The following ATRNL1 variants were observed in gnomAD, a reference collection of about 807,000 sequenced individuals.
ATRNL1 encodes attractin-like protein 1.
A neutral mutation model predicts 182.7 loss-of-function variants in ATRNL1; 95 were observed. The ratio of observed to expected loss-of-function variants is 0.52; its 90% CI spans 0.44 to 0.62. The LOEUF is 0.62. ATRNL1 is among the 20% of genes least tolerant of loss of function. ATRNL1 has a pLI of 0.00. For missense variants in ATRNL1, 1,471 were observed against 1,679.5 expected, an observed-to-expected ratio of 0.88 and a Z score of 2.17; for synonymous variants, 576 against 568.3, an observed-to-expected ratio of 1.01 and a Z score of -0.19.
chr10:115,241,545 A>C (rs782767548), intron 9 of ATRNL1, 26 bp from the exon 10 acceptor site: 1 of 1,536,470 alleles, frequency 6.5e-7, no homozygotes, highest in Admixed American at 1.7e-5. Context: ...ATCCTTTGTA[A>C]TACATTTTTA....
intron 3 of ATRNL1, among the ~76,000 whole-genome samples, chr10:115,123,933 C>T (rs531030391): frequency 6.6e-6 from 1 of 151,944 alleles, no homozygotes; most frequent in East Asian, 1.9e-4. Flanking sequence ...CACTGTCTCC[C>T]ATCAGCCCCA....
intron 3 of ATRNL1, among the ~76,000 whole-genome samples, chr10:115,123,015 C>A (rs1035296257): frequency 6.6e-6 from 1 of 151,988 alleles, no homozygotes; most frequent in Admixed American, 6.6e-5. Flanking sequence ...TAGATGTGTG[C>A]CTGTTCATTT....
intron 28 of ATRNL1, among the ~76,000 whole-genome samples, chr10:115,912,223 A>G (rs1192513727): frequency 2.0e-5 from 3 of 152,214 alleles, no homozygotes; most frequent in Admixed American, 2.0e-4. Flanking sequence ...TGATTATAGG[A>G]AAAGCTCACA....
intron 18 of ATRNL1, among the ~76,000 whole-genome samples, chr10:115,328,010 G>T (rs977215286): frequency 6.6e-6 from 1 of 151,630 alleles, no homozygotes; most frequent in South Asian, 2.1e-4. Context: ...TGGGTGCAGC[G>T]CACCAGCATG....
chr10:115,108,061 G>A (rs1265304020), intron 1 of ATRNL1, among the ~76,000 whole-genome samples: 3 of 152,098 alleles, frequency 2.0e-5, no homozygotes, highest in African/African-American at 7.2e-5. Context: ...TTATGCAAGG[G>A]TTCCTTGGCC....
intron 13 of ATRNL1, among the ~76,000 whole-genome samples, chr10:115,277,768 A>G (rs1041187766): frequency 6.6e-6 from 1 of 152,174 alleles, no homozygotes; most frequent in African/African-American, 2.4e-5. Flanking sequence ...GTAAGGAACC[A>G]CCATCAAAGT....
chr10:115,399,875 A>G lies in ATRNL1; in HGVS notation c.3269+5123A>G, dbSNP rs116214015. 4.3e-3 allele frequency among the ~76,000 whole-genome samples: 647 copies of G among 152,138 alleles called. 4 individuals are homozygous for G. The highest frequency in any genetic ancestry group is 0.014 in the African/African-American group (600 of 41,548). On this transcript the variant is annotated intron_variant, in intron 20 of 28. Coordinates refer to ENST00000355044, the MANE Select transcript of ATRNL1 (RefSeq NM_207303.4). ...AGGCAATGCCGTTTAGGACATAGGCATGGACAAATATTTCATGATGAAGGC... is the reference window on the plus strand; with the variant it reads ...AGGCAATGCCGTTTAGGACATAGGCGTGGACAAATATTTCATGATGAAGGC...
intron 27 of ATRNL1, among the ~76,000 whole-genome samples, chr10:115,812,902 G>A (rs1555087447): frequency 1.3e-5 from 2 of 151,790 alleles, no homozygotes; most frequent in African/African-American, 4.8e-5. Context: ...CCCTACTTTC[G>A]CTTCACTGTC....
At chr10:115,331,340 G>A (rs549553491) in intron 18 of ATRNL1, among the ~76,000 whole-genome samples, 2 of 152,296 alleles carry the variant, frequency 1.3e-5, no homozygotes, top group East Asian at 1.9e-4. Flanking sequence ...GATTATAGGC[G>A]TGAGCCACCG....
intron 26 of ATRNL1, among the ~76,000 whole-genome samples, chr10:115,712,527 A>G (rs1555054793): frequency 6.6e-6 from 1 of 152,230 alleles, no homozygotes; most frequent in African/African-American, 2.4e-5. Flanking sequence ...TTTTGGTATT[A>G]TGCATACTTA....
At chr10:115,154,983 C>T (rs1364370407) in intron 5 of ATRNL1, among the ~76,000 whole-genome samples, 1 of 152,110 alleles carries the variant, frequency 6.6e-6, no homozygotes, top group Non-Finnish European at 1.5e-5. Context: ...TCTAGGTGCT[C>T]CAGTGATGGC....
chr10:115,314,863 G>A (rs966982194), intron 17 of ATRNL1, among the ~76,000 whole-genome samples: 15 of 152,172 alleles, frequency 9.9e-5, no homozygotes, highest in Non-Finnish European at 2.1e-4. Flanking sequence ...ATGAGTCATG[G>A]AGTGTTATTT....
intron 24 of ATRNL1, among the ~76,000 whole-genome samples, chr10:115,482,755 G>C (rs556633090): frequency 2.8e-4 from 43 of 151,286 alleles, no homozygotes; most frequent in African/African-American, 1.0e-3. Context: ...GAATTGTAAA[G>C]TAGAATCCAA....
chr10:115,516,201 T>C (rs1554983846), intron 24 of ATRNL1, among the ~76,000 whole-genome samples: 1 of 151,904 alleles, frequency 6.6e-6, no homozygotes, highest in Non-Finnish European at 1.5e-5. Flanking sequence ...TATTTCTCCC[T>C]TGATCCTCAT....
intron 26 of ATRNL1, among the ~76,000 whole-genome samples, chr10:115,591,690 G>A (rs1855914744): frequency 6.6e-6 from 1 of 152,036 alleles, no homozygotes; most frequent in South Asian, 2.1e-4. Flanking sequence ...TATAACTTTG[G>A]TCCAAAGAAG....
chr10:115,661,965 TC>T (rs1453089774), intron 26 of ATRNL1, among the ~76,000 whole-genome samples: 24 of 136,908 alleles, frequency 1.8e-4, no homozygotes, highest in African/African-American at 5.6e-4. Context: ...TGTGCGATGT[TC>T]CCCTTCCTGT....
intron 21 of ATRNL1, among the ~76,000 whole-genome samples, chr10:115,429,682 T>C (rs1554963564): frequency 6.6e-6 from 1 of 152,228 alleles, no homozygotes; most frequent in Non-Finnish European, 1.5e-5. Flanking sequence ...TTGTTTATAT[T>C]TTAATTTAGA....
intron 19 of ATRNL1, among the ~76,000 whole-genome samples, chr10:115,369,355 A>G (rs1043446370): frequency 1.3e-5 from 2 of 151,280 alleles, no homozygotes; most frequent in Non-Finnish European, 2.9e-5. Flanking sequence ...AGGGGATAGG[A>G]TTCTGTGAAG....
chr10:115,714,330 GA>G (rs34155651), intron 26 of ATRNL1, among the ~76,000 whole-genome samples: 68 of 147,470 alleles, frequency 4.6e-4, no homozygotes, highest in Admixed American at 1.7e-3. Flanking sequence ...TGGGTGAAAA[GA>G]AAAAAAAAAA....
Sources: gnomAD v4.1 joint callset for allele counts (sites outside exome capture counted in the v4.1 genomes callset) on GRCh38, gnomAD v4.1.1 for gene constraint, MANE v1.5 for transcripts, NCBI Gene and HGNC (gene_info 2026-07-23, HGNC 2026-07-21) for gene names.